EYS: variants seen among roughly 807,000 people sequenced by gnomAD.
EYS encodes the protein protein eyes shut homolog.
Under a neutral mutation model 282.1 loss-of-function variants are expected in EYS, and 250 were observed. The observed-to-expected ratio is 0.89, with a 90% CI of 0.80 to 0.98. EYS has a LOEUF of 0.98. Among genes scored for constraint, EYS ranks in the 50% least tolerant of loss-of-function variants. The pLI is 0.00. For missense variants in EYS, 4,016 were observed against 3,709.0 expected, an observed-to-expected ratio of 1.08 and a Z score of -2.15; for synonymous variants, 1,355 against 1,282.9, an observed-to-expected ratio of 1.06 and a Z score of -1.20.
intron 26 of EYS, among the ~76,000 whole-genome samples, chr6:64,543,391 G>T (rs1255068952): frequency 2.0e-5 from 3 of 152,028 alleles, no homozygotes; most frequent in East Asian, 3.9e-4. Context: ...TGTAGTTAAA[G>T]AAATTGGCTT....
intron 41 of EYS, among the ~76,000 whole-genome samples, chr6:63,754,084 C>A (rs1239140421): frequency 6.6e-6 from 1 of 152,144 alleles, no homozygotes; most frequent in African/African-American, 2.4e-5. Flanking sequence ...CTCTTTTTCC[C>A]TGAACTTTTA....
At chr6:64,017,214 T>C (rs1582138104) in intron 33 of EYS, among the ~76,000 whole-genome samples, 2 of 152,024 alleles carry the variant, frequency 1.3e-5, no homozygotes, top group African/African-American at 2.4e-5. Context: ...GGAGGCATAC[T>C]ACCACACCCT....
intron 22 of EYS, among the ~76,000 whole-genome samples, chr6:64,633,341 T>C (rs142986648): frequency 6.6e-6 from 1 of 152,236 alleles, no homozygotes; most frequent in Non-Finnish European, 1.5e-5. Flanking sequence ...ATAGATGATA[T>C]TATTTCGTAT....
intron 36 of EYS, among the ~76,000 whole-genome samples, chr6:63,843,677 G>A (rs576534046): frequency 5.9e-5 from 9 of 152,220 alleles, no homozygotes; most frequent in Non-Finnish European, 1.0e-4. Flanking sequence ...AAGCATTCCC[G>A]TTGAAAACCA....
chr6:64,565,010 A>T (rs75269483), intron 26 of EYS, among the ~76,000 whole-genome samples: 2,416 of 151,462 alleles, frequency 0.016, 59 homozygotes, highest in African/African-American at 0.057. Flanking sequence ...CTTTGCGTAA[A>T]TTTTTTTTCT....
At chr6:65,696,598 C>T (rs986362117) in intron 1 of EYS, among the ~76,000 whole-genome samples, 26 of 151,932 alleles carry the variant, frequency 1.7e-4, no homozygotes, top group Admixed American at 1.2e-3. Flanking sequence ...ATAGGGGAAG[C>T]TAAGATATGG....
chr6:65,407,787 A>G (rs73741571), intron 5 of EYS, among the ~76,000 whole-genome samples: 107 of 124,422 alleles, frequency 8.6e-4, no homozygotes, highest in Middle Eastern at 4.1e-3. Context: ...GTGTGTGTGT[A>G]TGTCTAACAA....
At chr6:64,516,506 GCTGT>G (rs1307441412) in intron 26 of EYS, among the ~76,000 whole-genome samples, 1 of 151,714 alleles carries the variant, frequency 6.6e-6, no homozygotes, top group East Asian at 1.9e-4. Flanking sequence ...AATTGATTGA[GCTGT>G]CTACCTACAA....
At chr6:65,056,246 C>G (rs138757042) in intron 13 of EYS, among the ~76,000 whole-genome samples, 6 of 151,986 alleles carry the variant, frequency 3.9e-5, no homozygotes, top group Middle Eastern at 3.4e-3. Flanking sequence ...TCCACATTTT[C>G]TGGCATTACA....
chr6:65,411,490 G>T (rs894908650), intron 5 of EYS, among the ~76,000 whole-genome samples: 4 of 151,930 alleles, frequency 2.6e-5, no homozygotes, highest in Non-Finnish European at 5.9e-5. Context: ...TAGAAAATTG[G>T]CATTAGCATA....
chr6:64,296,734 G>A (rs1373157513), intron 30 of EYS, among the ~76,000 whole-genome samples: 1 of 151,024 alleles, frequency 6.6e-6, no homozygotes, highest in Non-Finnish European at 1.5e-5. Flanking sequence ...AGCCTCCCGA[G>A]TAGCTGGGAC....
chr6:63,727,287 G>T (rs1768649658), intron 41 of EYS, among the ~76,000 whole-genome samples: 1 of 151,800 alleles, frequency 6.6e-6, no homozygotes, highest in African/African-American at 2.4e-5. Context: ...ATGTTACAGT[G>T]CTTCTTAGAG....
chr6:65,149,383 A>G (rs971006644), intron 12 of EYS, among the ~76,000 whole-genome samples: 3 of 152,148 alleles, frequency 2.0e-5, no homozygotes, highest in Non-Finnish European at 4.4e-5. Context: ...CCTTTGCTCC[A>G]GCTCCTAAGA....
chr6:64,224,645 C>T (rs1766202633), intron 31 of EYS, among the ~76,000 whole-genome samples: 1 of 151,896 alleles, frequency 6.6e-6, no homozygotes, highest in Non-Finnish European at 1.5e-5. Flanking sequence ...TCTCGATGAC[C>T]TAAATTGAAA....
intron 11 of EYS, chr6:65,329,624 G>C: frequency 1.0e-6 from 1 of 981,082 alleles, no homozygotes; most frequent in Non-Finnish European, 1.2e-6. Flanking sequence ...CTTGAAGGCA[G>C]AAAAGTTTGC....
At chr6:64,723,208 A>G (rs1159759793) in intron 22 of EYS, among the ~76,000 whole-genome samples, 2 of 152,130 alleles carry the variant, frequency 1.3e-5, no homozygotes, top group Non-Finnish European at 2.9e-5. Context: ...ATGACTTATG[A>G]GCCTTACCTG....
chr6:63,817,014 A>C (rs1464762872), intron 36 of EYS, among the ~76,000 whole-genome samples: 1 of 152,170 alleles, frequency 6.6e-6, no homozygotes, highest in Non-Finnish European at 1.5e-5. Flanking sequence ...ATCTCTGCAT[A>C]ATGGCCATTT....
At chr6:64,565,133 T>G (rs1364549047) in intron 26 of EYS, among the ~76,000 whole-genome samples, 2 of 152,328 alleles carry the variant, frequency 1.3e-5, no homozygotes, top group African/African-American at 2.4e-5. Context: ...AGCCTTCCTT[T>G]TCTGTGCAGA....
intron 2 of EYS, among the ~76,000 whole-genome samples, chr6:65,606,442 T>G (rs1312684125): frequency 2.6e-5 from 4 of 151,840 alleles, no homozygotes; most frequent in African/African-American, 7.2e-5. Context: ...TAAATTTGAA[T>G]TTTGTTTTTT....
Sources: allele counts gnomAD v4.1 joint callset (sites outside exome capture counted in the v4.1 genomes callset), GRCh38; gene constraint gnomAD v4.1.1; transcripts MANE v1.5; gene names NCBI Gene and HGNC (gene_info 2026-07-23, HGNC 2026-07-21).